Variants in PLXDC2 observed in about 807,000 individuals in gnomAD.
The protein encoded by PLXDC2 is plexin domain containing 2, also known as plexin domain-containing protein 2.
Under a neutral mutation model 68.9 loss-of-function variants are expected in PLXDC2, and 40 were observed. The observed-to-expected ratio is 0.58, with a 90% CI of 0.45 to 0.76. The LOEUF (loss-of-function observed/expected upper bound fraction) is 0.76, where lower values mean the gene tolerates loss of function less well. Ranked by LOEUF, PLXDC2 falls within the 30% of genes least tolerant of loss-of-function variation. The pLI is 0.00. For synonymous variants in PLXDC2, 243 were observed against 234.2 expected (o/e 1.04, Z -0.34); for missense variants, 644 against 661.9 (o/e 0.97, Z 0.30).
intron 1 of PLXDC2, among the ~76,000 whole-genome samples, chr10:19,835,880 C>T (rs1836780836): frequency 6.6e-6 from 1 of 152,056 alleles, no homozygotes. Flanking sequence ...TTTTAAAAAG[C>T]ATGGCTGGGA....
chr10:20,001,500 A>G (rs1589579000), intron 1 of PLXDC2, among the ~76,000 whole-genome samples: 1 of 152,012 alleles, frequency 6.6e-6, no homozygotes, highest in East Asian at 1.9e-4. Context: ...GAAGGGAATA[A>G]AAATGCATTG....
chr10:20,117,521 C>T (rs1290675230), intron 4 of PLXDC2, among the ~76,000 whole-genome samples: 2 of 152,088 alleles, frequency 1.3e-5, no homozygotes, highest in African/African-American at 4.8e-5. Flanking sequence ...CTTGATTCGC[C>T]AGGTCTAAAG....
At chr10:20,013,885 A>G (rs1835158344) in intron 2 of PLXDC2, among the ~76,000 whole-genome samples, 1 of 152,202 alleles carries the variant, frequency 6.6e-6, no homozygotes, top group African/African-American at 2.4e-5. Context: ...CTTCATCAGA[A>G]TAGAAGAGTG....
intron 4 of PLXDC2, among the ~76,000 whole-genome samples, chr10:20,081,745 A>G (rs1046778134): frequency 2.0e-4 from 30 of 152,196 alleles, no homozygotes; most frequent in African/African-American, 7.2e-4. Flanking sequence ...ATTAAATAAA[A>G]ACAGGAGAAG....
chr10:20,077,389 G>C (rs866358198), intron 4 of PLXDC2, among the ~76,000 whole-genome samples: 1 of 152,034 alleles, frequency 6.6e-6, no homozygotes, highest in Non-Finnish European at 1.5e-5. Flanking sequence ...TGTGAAAGTA[G>C]GTAAAAAATA....
At chr10:19,845,951 G>T (rs935048428) in intron 1 of PLXDC2, among the ~76,000 whole-genome samples, 8 of 152,090 alleles carry the variant, frequency 5.3e-5, no homozygotes, top group Non-Finnish European at 2.9e-5. Flanking sequence ...TCTTCAATCT[G>T]GTCCAGTGTC....
At chr10:19,965,247 A>G (rs898732536) in intron 1 of PLXDC2, among the ~76,000 whole-genome samples, 2 of 152,192 alleles carry the variant, frequency 1.3e-5, no homozygotes, top group African/African-American at 4.8e-5. Flanking sequence ...CAGCTGACTT[A>G]GCTGTGATTA....
intron 9 of PLXDC2, among the ~76,000 whole-genome samples, chr10:20,183,237 A>G (rs1834631856): frequency 6.6e-6 from 1 of 151,984 alleles, no homozygotes; most frequent in South Asian, 2.1e-4. Flanking sequence ...TTCAGATTGT[A>G]GAATCATTAT....
In PLXDC2 at chr10:20,284,397, G is replaced by A. The variant is rs981431968; in HGVS notation, c.*4578G>A. 1.6e-5 allele frequency: 2 copies of A among 125,992 alleles called. No homozygotes were observed. The highest frequency in any genetic ancestry group is 3.2e-5 in the African/African-American group (1 of 31,736). 7.8% of individuals were successfully genotyped at this position (125,992 alleles called of 1,614,324 possible). ...ATATATATGTATATTTGATAGAGATGATAGCAATTATGTGTGTGTGTGTGT... is the reference window on the plus strand; with the variant it reads ...ATATATATGTATATTTGATAGAGATAATAGCAATTATGTGTGTGTGTGTGT... On this transcript the variant is annotated 3_prime_UTR_variant, in exon 14 of 14. Coordinates refer to ENST00000377252, the MANE Select transcript of PLXDC2 (RefSeq NM_032812.9).
At chr10:19,917,375 A>C (rs1258456795) in intron 1 of PLXDC2, among the ~76,000 whole-genome samples, 1 of 152,122 alleles carries the variant, frequency 6.6e-6, no homozygotes, top group Non-Finnish European at 1.5e-5. Flanking sequence ...ACAAAAATAT[A>C]TTTTCCATGA....
chr10:20,215,032 A>G (rs1835117695), intron 10 of PLXDC2, among the ~76,000 whole-genome samples: 1 of 152,206 alleles, frequency 6.6e-6, no homozygotes, highest in Non-Finnish European at 1.5e-5. Flanking sequence ...CATTGCAGTC[A>G]TGGGTGTAGA....
rs1279175865 is a variant in PLXDC2, at chr10:20,289,491, CCTT to C, written c.*9677_*9679del. Reference sequence around the variant, plus strand: ...TCCAGAAGGTTCTCTATTATTCTGTCCTTCTTCCAAACTGGAAATGGCTGTATC... The same window carrying C: ...TCCAGAAGGTTCTCTATTATTCTGTCCTTCCAAACTGGAAATGGCTGTATC... On this transcript the variant is annotated 3_prime_UTR_variant, in exon 14 of 14. Transcript: ENST00000377252. 1 of 152,292 alleles carries C rather than the reference CCTT, an allele frequency of 6.6e-6. No homozygotes were observed. Among genetic ancestry groups the C allele is most frequent in the Admixed American group, 6.5e-5 (1 of 15,302 alleles). 9.4% of individuals were successfully genotyped at this position (152,292 alleles called of 1,614,324 possible).
At chr10:20,000,362 G>A (rs891848367) in intron 1 of PLXDC2, among the ~76,000 whole-genome samples, 7 of 150,858 alleles carry the variant, frequency 4.6e-5, no homozygotes, top group Admixed American at 4.0e-4. Flanking sequence ...GTTTCTCCCT[G>A]TGGAGTTTTG....
chr10:19,840,775 G>A (rs754316716), intron 1 of PLXDC2, among the ~76,000 whole-genome samples: 5 of 152,098 alleles, frequency 3.3e-5, no homozygotes, highest in African/African-American at 7.2e-5. Context: ...GTGATATTAC[G>A]TGATTGAAGA....
intron 1 of PLXDC2, among the ~76,000 whole-genome samples, chr10:19,852,425 C>CAAAAAAAAAAAAAAAAAAAAAAAA (rs61430454): frequency 1.5e-4 from 9 of 61,938 alleles, no homozygotes; most frequent in South Asian, 6.4e-4. Flanking sequence ...GACCCTGTCT[C>CAAAAAAAAAAAAAAAAAAAAAAAA]AAAAAAAAAA....
intron 1 of PLXDC2, among the ~76,000 whole-genome samples, chr10:19,892,285 G>C (rs1837979095): frequency 6.6e-6 from 1 of 152,158 alleles, no homozygotes; most frequent in South Asian, 2.1e-4. Context: ...AGAGGCGAAT[G>C]TCTGTGGCAT....
intron 2 of PLXDC2, among the ~76,000 whole-genome samples, chr10:20,031,686 C>T (rs1835503261): frequency 6.6e-6 from 1 of 151,958 alleles, no homozygotes; most frequent in Non-Finnish European, 1.5e-5. Context: ...AATAAATTAG[C>T]CTTGTAAAAT....
chr10:20,212,516 A>G (rs1588520551), intron 10 of PLXDC2, among the ~76,000 whole-genome samples: 1 of 151,826 alleles, frequency 6.6e-6, no homozygotes, highest in Non-Finnish European at 1.5e-5. Flanking sequence ...GAAGAAAAGC[A>G]TTTACTTCTT....
intron 13 of PLXDC2, among the ~76,000 whole-genome samples, chr10:20,260,698 A>G (rs549413533): frequency 5.9e-5 from 9 of 152,286 alleles, no homozygotes; most frequent in Non-Finnish European, 1.2e-4. Context: ...TTCATTTTCT[A>G]TGAATATATA....
Sources: allele counts gnomAD v4.1 joint callset (sites outside exome capture counted in the v4.1 genomes callset), GRCh38; gene constraint gnomAD v4.1.1; transcripts MANE v1.5; gene names NCBI Gene and HGNC (gene_info 2026-07-23, HGNC 2026-07-21).